Variants in CACNG5 observed in about 807,000 individuals in gnomAD.
CACNG5 encodes calcium voltage-gated channel auxiliary subunit gamma 5, also known as voltage-dependent calcium channel gamma-5 subunit.
A neutral mutation model predicts 24.8 loss-of-function variants in CACNG5; 18 were observed. The ratio of observed to expected loss-of-function variants is 0.73; its 90% CI spans 0.50 to 1.08. The LOEUF (loss-of-function observed/expected upper bound fraction) is 1.08, where lower values mean the gene tolerates loss of function less well. Among genes scored for constraint, CACNG5 ranks in the 50% least tolerant of loss-of-function variants. The pLI, the probability that CACNG5 is intolerant of heterozygous loss-of-function variation, is 0.00. For missense variants in CACNG5, 349 were observed against 367.9 expected, an observed-to-expected ratio of 0.95 and a Z score of 0.42; for synonymous variants, 157 against 149.1, an observed-to-expected ratio of 1.05 and a Z score of -0.39.
chr17:66,836,149 G>T (rs996600758), intron 1 of CACNG5, among the ~76,000 whole-genome samples: 1 of 152,172 alleles, frequency 6.6e-6, no homozygotes, highest in Admixed American at 6.5e-5. Context: ...CACGCCGGTG[G>T]TTAAGGAAGC....
intron 2 of CACNG5, among the ~76,000 whole-genome samples, chr17:66,878,743 A>C (rs1977118171): frequency 6.6e-6 from 1 of 152,182 alleles, no homozygotes; most frequent in Non-Finnish European, 1.5e-5. Flanking sequence ...GCTTGGGTCC[A>C]TCCTCACACA....
At chr17:66,865,764 G>C (rs1052953765) in intron 1 of CACNG5, among the ~76,000 whole-genome samples, 1 of 151,082 alleles carries the variant, frequency 6.6e-6, no homozygotes, top group Non-Finnish European at 1.5e-5. Flanking sequence ...CGAGTAGCTG[G>C]GACTACAGGC....
intron 1 of CACNG5, among the ~76,000 whole-genome samples, chr17:66,841,101 T>C (rs1044738430): frequency 2.6e-5 from 4 of 152,064 alleles, no homozygotes; most frequent in South Asian, 2.1e-4. Context: ...CCCAAGGTGG[T>C]TGGGGGCACA....
At chr17:66,880,945 G>C (rs959209720) in intron 4 of CACNG5, among the ~76,000 whole-genome samples, 1 of 152,202 alleles carries the variant, frequency 6.6e-6, no homozygotes, top group Non-Finnish European at 1.5e-5. Flanking sequence ...TTCCATGTTG[G>C]CCAGGTTGAT....
rs989241252 is a variant in CACNG5, at chr17:66,888,597, A to AG, written c.*3358dup. On this transcript the variant is annotated 3_prime_UTR_variant, in exon 6 of 6. Transcript: ENST00000533854. ...AAAGAAAGAGGAAAGAACCATGAAAAGTGGCTCAATAGTCAAAGACAGGTT... is the reference window on the plus strand; with the variant it reads ...AAAGAAAGAGGAAAGAACCATGAAAAGGTGGCTCAATAGTCAAAGACAGGTT... Among the ~76,000 whole-genome samples the AG allele has an allele frequency of 9.9e-5, 15 of 151,774 alleles. No individual in the cohort carries two copies. Among genetic ancestry groups the AG allele is most frequent in the Non-Finnish European group, 2.1e-4 (14 of 67,926 alleles).
chr17:66,839,977 C>G (rs1054239791), intron 1 of CACNG5, among the ~76,000 whole-genome samples: 2 of 152,224 alleles, frequency 1.3e-5, no homozygotes, highest in African/African-American at 4.8e-5. Context: ...ACTGTCCACA[C>G]TAAAATGTGG....
At position 66,892,253 on chromosome 17, in the gene CACNG5, TTCATGGGC is replaced by T. The variant is rs1281922454; in HGVS notation, c.*7019_*7026del. Reference sequence around the variant, plus strand: ...GCTGTGCCTGGGGCAAGACGCCAAATTCATGGGCTCATGCCCAGCCCTTCTGCCTCTGA... The same window carrying T: ...GCTGTGCCTGGGGCAAGACGCCAAATTCATGCCCAGCCCTTCTGCCTCTGA... On this transcript the variant is annotated 3_prime_UTR_variant, in exon 6 of 6. Coordinates refer to ENST00000533854, the MANE Select transcript of CACNG5 (RefSeq NM_145811.3). 6.6e-6 allele frequency among the ~76,000 whole-genome samples: 1 copy of T among 152,222 alleles called. No individual in the cohort carries two copies. Among genetic ancestry groups the T allele is most frequent in the Non-Finnish European group, 1.5e-5 (1 of 68,028 alleles).
rs1289680222 is a variant in CACNG5, at chr17:66,889,531, T to TA, written c.*4292dup. Among the ~76,000 whole-genome samples, 2 of 152,068 alleles carry TA rather than the reference T, an allele frequency of 1.3e-5. No individual in the cohort carries two copies. Among genetic ancestry groups the TA allele is most frequent in the Non-Finnish European group, 2.9e-5 (2 of 68,010 alleles). Reference sequence around the variant, plus strand: ...AGAAAAACAGAATCAACAGGATGAATATATAGAGAGAGAAAGATTTATTTT... The same window carrying TA: ...AGAAAAACAGAATCAACAGGATGAATAATATAGAGAGAGAAAGATTTATTTT... On this transcript the variant is annotated 3_prime_UTR_variant, in exon 6 of 6. Coordinates refer to ENST00000533854, the MANE Select transcript of CACNG5 (RefSeq NM_145811.3).
Position 66,885,382 on chromosome 17 carries a change from C to T in CACNG5, c.*142C>T. On this transcript the variant is annotated 3_prime_UTR_variant, in exon 6 of 6. Coordinates refer to ENST00000533854, the MANE Select transcript of CACNG5 (RefSeq NM_145811.3). ...TGTTGTCACTTGACCCCAGTCCTCT[C>T]CCTGCTTCTCCAGAAGGGCTCTAAC... 1 of 992,578 alleles carries T rather than the reference C, an allele frequency of 1.0e-6. No homozygotes were observed. The allele number at this position is 992,578 out of a possible 1,614,324, so 61.5% of individuals were successfully genotyped here. A position where few individuals can be genotyped will look rare whatever the true frequency, so the allele number is the denominator to read the frequency against.
chr17:66,857,864 C>T (rs1976803130), intron 1 of CACNG5, among the ~76,000 whole-genome samples: 1 of 152,164 alleles, frequency 6.6e-6, no homozygotes, highest in Non-Finnish European at 1.5e-5. Context: ...TCCATCCCAC[C>T]CCCAGAAGGT....
chr17:66,845,686 G>T (rs1416137804), intron 1 of CACNG5, among the ~76,000 whole-genome samples: 3 of 152,094 alleles, frequency 2.0e-5, no homozygotes, highest in Admixed American at 1.3e-4. Flanking sequence ...GATCACCAAA[G>T]GGATATTACT....
At chr17:66,853,636 C>A (rs112168977) in intron 1 of CACNG5, among the ~76,000 whole-genome samples, 15 of 152,226 alleles carry the variant, frequency 9.9e-5, no homozygotes, top group African/African-American at 3.1e-4. Context: ...CAAAAGCAAG[C>A]TATGTCCCAG....
At chr17:66,878,251 G>A (rs981488697) in intron 2 of CACNG5, among the ~76,000 whole-genome samples, 4 of 152,232 alleles carry the variant, frequency 2.6e-5, no homozygotes, top group African/African-American at 9.7e-5. Flanking sequence ...TACAAGAATA[G>A]CTGCAAGCTG....
chr17:66,840,475 T>G (rs538518576), intron 1 of CACNG5, among the ~76,000 whole-genome samples: 39 of 152,156 alleles, frequency 2.6e-4, no homozygotes, highest in African/African-American at 9.4e-4. Context: ...TTAAGGATCA[T>G]GGTTGAGCAG....
Position 66,879,078 on chromosome 17 carries a change from C to T in CACNG5, c.283+20C>T, listed in dbSNP as rs1229383197. On this transcript the variant is annotated intron_variant, in intron 3 of 5. Transcript: ENST00000533854. ...TTCTAAGTAAGTGCCTTGAGTCTGG[C>T]AACCTGGGCCACTGGCTGGACAGAG... The T allele has an allele frequency of 3.8e-6, 6 of 1,587,914 alleles. No individual in the cohort carries two copies. The highest frequency in any genetic ancestry group is 5.2e-6 in the Non-Finnish European group (6 of 1,156,474).
intron 1 of CACNG5, among the ~76,000 whole-genome samples, chr17:66,862,901 TG>T: frequency 1.2e-5 from 1 of 84,200 alleles, no homozygotes; most frequent in Non-Finnish European, 2.9e-5. Context: ...TCTGTGTGTG[TG>T]TGTGTGTGTG....
chr17:66,852,999 CTCTCTTCTCT>C (rs534624133), intron 1 of CACNG5, among the ~76,000 whole-genome samples: 78 of 151,412 alleles, frequency 5.2e-4, no homozygotes, highest in South Asian at 1.7e-3. Context: ...TCTTCTCTTT[CTCTCTTCTCT>C]TCTCTTCTCT....
chr17:66,875,815 A>G (rs1448506784), intron 1 of CACNG5, among the ~76,000 whole-genome samples: 5 of 152,238 alleles, frequency 3.3e-5, no homozygotes, highest in Non-Finnish European at 4.4e-5. Flanking sequence ...AGATGCCGAC[A>G]GGATAGCAAA....
At chr17:66,841,116 G>C (rs1477970421) in intron 1 of CACNG5, among the ~76,000 whole-genome samples, 1 of 152,138 alleles carries the variant, frequency 6.6e-6, no homozygotes, top group Non-Finnish European at 1.5e-5. Context: ...GGCACAGCTT[G>C]GTTTTATATG....
Sources: gnomAD v4.1 joint callset for allele counts (sites outside exome capture counted in the v4.1 genomes callset) on GRCh38, gnomAD v4.1.1 for gene constraint, MANE v1.5 for transcripts, NCBI Gene and HGNC (gene_info 2026-07-23, HGNC 2026-07-21) for gene names.